The following PREX2 variants were observed in gnomAD, a reference collection of about 807,000 sequenced individuals.
PREX2 encodes phosphatidylinositol 3,4,5-trisphosphate-dependent Rac exchanger 2 protein.
Under a neutral mutation model 203.2 loss-of-function variants are expected in PREX2, and 107 were observed. That is an observed-to-expected ratio of 0.53 (90% confidence interval 0.45 to 0.62). PREX2 has a LOEUF of 0.62. Ranked by LOEUF, PREX2 falls within the 20% of genes least tolerant of loss-of-function variation. The pLI is 0.00. For missense variants in PREX2, 1,777 were observed against 1,955.9 expected, an observed-to-expected ratio of 0.91 and a Z score of 1.72; for synonymous variants, 672 against 663.6, an observed-to-expected ratio of 1.01 and a Z score of -0.19.
At chr8:68,115,727 C>T (rs769811651) in intron 25 of PREX2, 26 bp from the exon 26 acceptor site, 1 of 1,544,334 alleles carries the variant, frequency 6.5e-7, no homozygotes, top group Non-Finnish European at 8.8e-7. Flanking sequence ...TGAAAATGTG[C>T]ATTTTTTTTT....
intron 33 of PREX2, 78 bp downstream of exon 33, chr8:68,138,595 G>C (rs1811159447): frequency 3.1e-6 from 2 of 643,380 alleles, no homozygotes; most frequent in South Asian, 4.8e-5. Context: ...TAATATATTT[G>C]ATAAGTATTT....
intron 1 of PREX2, among the ~76,000 whole-genome samples, chr8:67,977,139 G>A (rs149560389): frequency 1.1e-3 from 165 of 152,294 alleles, no homozygotes; most frequent in Non-Finnish European, 1.6e-3. Flanking sequence ...ATTGGGTCAT[G>A]AGGGTAGGGC....
intron 25 of PREX2, among the ~76,000 whole-genome samples, chr8:68,115,531 A>G (rs1344876597): frequency 3.9e-5 from 6 of 152,198 alleles, no homozygotes; most frequent in Non-Finnish European, 8.8e-5. Context: ...CTGTATTTCA[A>G]TGAAGCTTTC....
Position 67,973,994 on chromosome 8 carries a change from G to C in PREX2, c.141+21459G>C, listed in dbSNP as rs181336145. On this transcript the variant is annotated intron_variant, in intron 1 of 39. Transcript: ENST00000288368. Reference sequence around the variant, plus strand: ...TCCTTCATATATTCTATAGAACCTAGCATATGTCTATTACATACTAGGTGT... The same window carrying C: ...TCCTTCATATATTCTATAGAACCTACCATATGTCTATTACATACTAGGTGT... 4.6e-4 allele frequency among the ~76,000 whole-genome samples: 70 copies of C among 152,210 alleles called. No homozygotes were observed. The Middle Eastern group carries it at 0.01, about 22-fold the overall frequency.
chr8:68,052,008 G>C (rs1218222666), intron 8 of PREX2, among the ~76,000 whole-genome samples: 1 of 152,060 alleles, frequency 6.6e-6, no homozygotes, highest in Non-Finnish European at 1.5e-5. Context: ...TAACGAAAAA[G>C]ACTATGGAAA....
intron 8 of PREX2, among the ~76,000 whole-genome samples, chr8:68,050,038 GTATATGTGTGTTTA>G (rs1427004126): frequency 6.6e-6 from 1 of 151,560 alleles, no homozygotes; most frequent in East Asian, 1.9e-4. Flanking sequence ...ATATTCAATT[GTATATGTGTGTTTA>G]TGTATGTGTG....
At chr8:68,195,061 TA>T (rs143175181) in intron 37 of PREX2, among the ~76,000 whole-genome samples, 64 of 152,328 alleles carry the variant, frequency 4.2e-4, no homozygotes, top group African/African-American at 1.4e-3. Flanking sequence ...TTTGAAACTA[TA>T]AGCACCTACT....
intron 1 of PREX2, among the ~76,000 whole-genome samples, chr8:67,970,507 A>G (rs1214061168): frequency 6.6e-6 from 1 of 152,174 alleles, no homozygotes; most frequent in Non-Finnish European, 1.5e-5. Flanking sequence ...ATAAAGCCTA[A>G]TCACTTACTT....
chr8:68,060,227 C>T (rs911396392), intron 10 of PREX2, among the ~76,000 whole-genome samples: 2 of 152,190 alleles, frequency 1.3e-5, no homozygotes, highest in African/African-American at 4.8e-5. Flanking sequence ...TTTAAACTCA[C>T]TGGTTCTCTG....
intron 35 of PREX2, among the ~76,000 whole-genome samples, chr8:68,186,685 C>T (rs545229665): frequency 3.3e-5 from 5 of 151,854 alleles, no homozygotes; most frequent in South Asian, 4.2e-4. Flanking sequence ...AGCTAATTTT[C>T]GTATTTTTAG....
intron 3 of PREX2, 70 bp downstream of exon 3, chr8:68,019,741 T>G: frequency 7.0e-7 from 1 of 1,424,946 alleles, no homozygotes; most frequent in Non-Finnish European, 9.6e-7. Flanking sequence ...CTTGGCATAG[T>G]GGTATGTGTG....
chr8:68,155,734 A>G (rs1475415426), intron 34 of PREX2, among the ~76,000 whole-genome samples: 1 of 152,200 alleles, frequency 6.6e-6, no homozygotes, highest in Non-Finnish European at 1.5e-5. Flanking sequence ...GTTACTGGCA[A>G]CCTTTCCACA....
intron 35 of PREX2, among the ~76,000 whole-genome samples, chr8:68,182,769 T>A (rs1330414848): frequency 2.0e-5 from 3 of 151,878 alleles, no homozygotes; most frequent in Non-Finnish European, 4.4e-5. Flanking sequence ...ATTTAAAAAA[T>A]GGGTCTCTGC....
chr8:68,092,783 T>C (rs562900866), intron 20 of PREX2, among the ~76,000 whole-genome samples: 1 of 152,272 alleles, frequency 6.6e-6, no homozygotes, highest in African/African-American at 2.4e-5. Context: ...AGATAATTGA[T>C]TCATCAGACA....
At position 67,984,621 on chromosome 8, in the gene PREX2, A is replaced by T. The variant is rs181209944; in HGVS notation, c.141+32086A>T. Among the ~76,000 whole-genome samples, 1,184 of 152,302 alleles carry T rather than the reference A, an allele frequency of 7.8e-3. 19 individuals carry two copies. The highest frequency in any genetic ancestry group is 0.027 in the African/African-American group (1,109 of 41,568). On this transcript the variant is annotated intron_variant, in intron 1 of 39. Transcript: ENST00000288368. ...TTCCTAGGTAGAAATGCAAGCCAGGACTTGTGGCAATTCAGTGCCAAAGAT... is the reference window on the plus strand; with the variant it reads ...TTCCTAGGTAGAAATGCAAGCCAGGTCTTGTGGCAATTCAGTGCCAAAGAT...
chr8:68,107,314 GA>G (rs750448544), intron 23 of PREX2, among the ~76,000 whole-genome samples: 13 of 152,120 alleles, frequency 8.5e-5, no homozygotes, highest in Admixed American at 2.0e-4. Flanking sequence ...GTGAGGGCCA[GA>G]AGGAGCTTAG....
intron 23 of PREX2, among the ~76,000 whole-genome samples, chr8:68,107,175 C>A (rs1365373954): frequency 2.0e-5 from 3 of 152,060 alleles, no homozygotes; most frequent in African/African-American, 7.2e-5. Context: ...GGAAGGCCTC[C>A]TGATGATTTG....
intron 34 of PREX2, among the ~76,000 whole-genome samples, chr8:68,155,659 A>G (rs905186175): frequency 1.3e-5 from 2 of 152,324 alleles, no homozygotes; most frequent in East Asian, 3.9e-4. Context: ...ATTGAGGCTC[A>G]TAAGTAGTGA....
chr8:68,003,924 C>T (rs1585696917), intron 1 of PREX2, among the ~76,000 whole-genome samples: 1 of 144,434 alleles, frequency 6.9e-6, no homozygotes, highest in African/African-American at 2.6e-5. Flanking sequence ...TCTCGGCTCA[C>T]TGCAACGTCT....
Sources: allele counts gnomAD v4.1 joint callset (sites outside exome capture counted in the v4.1 genomes callset), GRCh38; gene constraint gnomAD v4.1.1; transcripts MANE v1.5; gene names NCBI Gene and HGNC (gene_info 2026-07-23, HGNC 2026-07-21).